DPYD: variants seen among roughly 807,000 people sequenced by gnomAD.
DPYD encodes the protein dihydropyrimidine dehydrogenase [NADP(+)].
Under a neutral mutation model 116.2 loss-of-function variants are expected in DPYD, and 109 were observed. That is an observed-to-expected ratio of 0.94 (90% CI 0.80 to 1.10). The LOEUF (loss-of-function observed/expected upper bound fraction) is 1.10. DPYD is among the 50% of genes least tolerant of loss of function. The probability of loss-of-function intolerance (pLI) is 0.00; values close to 1 mark genes in which losing one functional copy is unlikely to be tolerated. For synonymous variants in DPYD, 440 were observed against 432.0 expected, an observed-to-expected ratio of 1.02 and a Z score of -0.23; for missense variants, 1,302 against 1,254.5, an observed-to-expected ratio of 1.04 and a Z score of -0.57.
intron 13 of DPYD, among the ~76,000 whole-genome samples, chr1:97,459,485 C>G (rs757719746): frequency 2.0e-4 from 30 of 151,784 alleles, no homozygotes; most frequent in Non-Finnish European, 4.3e-4. Flanking sequence ...TATCTAGATA[C>G]ATTGTAGTAT....
At chr1:97,167,748 C>G (rs1051008402) in intron 20 of DPYD, among the ~76,000 whole-genome samples, 1 of 152,046 alleles carries the variant, frequency 6.6e-6, no homozygotes, top group Admixed American at 6.6e-5. Flanking sequence ...GTAGGTTAAA[C>G]AATTTCTTGA....
intron 3 of DPYD, among the ~76,000 whole-genome samples, chr1:97,785,533 T>C (rs1468480742): frequency 2.0e-5 from 3 of 152,162 alleles, no homozygotes; most frequent in Non-Finnish European, 4.4e-5. Flanking sequence ...CAGTCTTCAA[T>C]GCCGTATGTT....
intron 14 of DPYD, among the ~76,000 whole-genome samples, chr1:97,437,311 G>A (rs1448117578): frequency 6.8e-6 from 1 of 146,924 alleles, no homozygotes; most frequent in Non-Finnish European, 1.5e-5. Flanking sequence ...TTTTTTTTTT[G>A]AATCTGGATT....
In DPYD at chr1:97,593,232, C is replaced by T. The variant is rs1654643153; in HGVS notation, c.1114G>A (p.Ala372Thr). 1.2e-6 allele frequency: 2 copies of T among 1,613,964 alleles called. No individual in the cohort carries two copies. Among genetic ancestry groups the T allele is most frequent in the African/African-American group, 1.3e-5 (1 of 74,918 alleles). ...TTCCATTTTACCTCCTCAGGGACAGCTCTTATATTAACAAAGCCTTTTCTG... is the reference window on the plus strand; with the variant it reads ...TTCCATTTTACCTCCTCAGGGACAGTTCTTATATTAACAAAGCCTTTTCTG... ...VFRKGFVNIR[A>T]VPEEMELAKE... is the part of the protein sequence containing the mutation. Residue 372 changes from alanine (A) to threonine (T), a missense_variant, in exon 10 of 23, where the codon GCT becomes ACT. Physicochemically the swap from Ala to Thr is moderately conservative, Grantham distance 58. Coordinates refer to ENST00000370192, the MANE Select transcript of DPYD (RefSeq NM_000110.4).
chr1:97,115,277 A>G (rs951223280), intron 20 of DPYD, among the ~76,000 whole-genome samples: 1 of 152,200 alleles, frequency 6.6e-6, no homozygotes, highest in African/African-American at 2.4e-5. Context: ...ATGGTATTGC[A>G]ACATTTTGTG....
intron 8 of DPYD, among the ~76,000 whole-genome samples, chr1:97,629,684 A>C (rs1002775917): frequency 6.6e-6 from 1 of 151,872 alleles, no homozygotes; most frequent in African/African-American, 2.4e-5. Flanking sequence ...TCCAAAAACA[A>C]AAAAAAACAA....
chr1:97,771,159 A>G (rs1192797824), intron 3 of DPYD, among the ~76,000 whole-genome samples: 1 of 152,136 alleles, frequency 6.6e-6, no homozygotes, highest in Non-Finnish European at 1.5e-5. Flanking sequence ...CTCTACTAAA[A>G]ATACAAAAAA....
At chr1:97,119,894 C>T (rs554150445) in intron 20 of DPYD, among the ~76,000 whole-genome samples, 1 of 152,284 alleles carries the variant, frequency 6.6e-6, no homozygotes, top group South Asian at 2.1e-4. Context: ...TAAAACAAAA[C>T]AAAGCCAGTG....
chr1:97,888,303 T>C (rs974173346), intron 1 of DPYD, among the ~76,000 whole-genome samples: 13 of 151,460 alleles, frequency 8.6e-5, no homozygotes, highest in African/African-American at 3.2e-4. Context: ...TCAAGAGAGA[T>C]TACACAATCA....
intron 18 of DPYD, among the ~76,000 whole-genome samples, chr1:97,275,190 A>G (rs935587112): frequency 8.5e-5 from 13 of 152,190 alleles, no homozygotes; most frequent in Admixed American, 8.5e-4. Context: ...CTGGGACAAA[A>G]TCATCCAGAG....
intron 3 of DPYD, among the ~76,000 whole-genome samples, chr1:97,761,147 G>A (rs1428671141): frequency 1.3e-5 from 2 of 151,970 alleles, no homozygotes; most frequent in African/African-American, 4.8e-5. Flanking sequence ...AGTCCATGTT[G>A]AGGCAATCAC....
At chr1:97,586,028 C>A (rs1654071798) in intron 10 of DPYD, 1 of 221,754 alleles carries the variant, frequency 4.5e-6, no homozygotes, top group South Asian at 9.0e-5. Flanking sequence ...TGATGAAGTT[C>A]AGGTTGTGTG....
chr1:97,247,730 T>A (rs1000879164), intron 18 of DPYD, among the ~76,000 whole-genome samples: 1 of 152,138 alleles, frequency 6.6e-6, no homozygotes, highest in Non-Finnish European at 1.5e-5. Context: ...ATGAGCAATG[T>A]CATACAATAA....
intron 19 of DPYD, among the ~76,000 whole-genome samples, chr1:97,201,321 C>T (rs1359197412): frequency 6.6e-6 from 1 of 152,004 alleles, no homozygotes; most frequent in African/African-American, 2.4e-5. Flanking sequence ...CTGTCCACAC[C>T]TACTGATTAA....
chr1:97,821,772 T>C (rs1422774655), intron 3 of DPYD, among the ~76,000 whole-genome samples: 1 of 152,176 alleles, frequency 6.6e-6, no homozygotes, highest in Non-Finnish European at 1.5e-5. Flanking sequence ...ACACATGTAA[T>C]TCTTGTAAGC....
intron 13 of DPYD, among the ~76,000 whole-genome samples, chr1:97,483,630 C>G (rs1678446131): frequency 1.3e-5 from 2 of 151,974 alleles, no homozygotes; most frequent in Non-Finnish European, 2.9e-5. Flanking sequence ...GGACATCCTG[C>G]ACATATATTC....
intron 20 of DPYD, among the ~76,000 whole-genome samples, chr1:97,112,475 T>C (rs966587632): frequency 2.0e-5 from 3 of 152,150 alleles, no homozygotes; most frequent in Non-Finnish European, 4.4e-5. Flanking sequence ...GACCATTCTG[T>C]AGCCTAAACT....
At chr1:97,556,348 A>G (rs1463982713) in intron 11 of DPYD, among the ~76,000 whole-genome samples, 1 of 148,770 alleles carries the variant, frequency 6.7e-6, no homozygotes, top group African/African-American at 2.5e-5. Context: ...TTATTTTATT[A>G]TGATTTTTTT....
intron 2 of DPYD, among the ~76,000 whole-genome samples, chr1:97,867,391 G>A (rs1671440124): frequency 6.6e-6 from 1 of 151,834 alleles, no homozygotes. Context: ...GTTGATACGA[G>A]AAGAAAACTG....
Sources: gnomAD v4.1 joint callset for allele counts (sites outside exome capture counted in the v4.1 genomes callset) on GRCh38, gnomAD v4.1.1 for gene constraint, MANE v1.5 for transcripts, NCBI Gene and HGNC (gene_info 2026-07-23, HGNC 2026-07-21) for gene names.